TULP4: variants seen among roughly 807,000 people sequenced by gnomAD.
The protein encoded by TULP4 is tubby-related protein 4.
TULP4 carries 16 observed loss-of-function variants against 129.0 expected under a neutral mutation model. The ratio of observed to expected loss-of-function variants is 0.12; its 90% CI spans 0.08 to 0.19. The LOEUF is 0.19. TULP4 is among the 10% of genes least tolerant of loss of function. The pLI is 1.00. For synonymous variants in TULP4, 998 were observed against 854.0 expected (o/e 1.17, Z -2.94); for missense variants, 1,842 against 2,059.1 (o/e 0.89, Z 2.04).
intron 11 of TULP4, among the ~76,000 whole-genome samples, chr6:158,495,886 T>G (rs1582879916): frequency 6.6e-6 from 1 of 151,086 alleles, no homozygotes; most frequent in African/African-American, 2.4e-5. Flanking sequence ...CAATTCTTGG[T>G]GGTAAATTTT....
chr6:158,441,376 C>G (rs1334731767), intron 3 of TULP4, among the ~76,000 whole-genome samples: 1 of 152,170 alleles, frequency 6.6e-6, no homozygotes, highest in Non-Finnish European at 1.5e-5. Flanking sequence ...TGGCTCTTGT[C>G]ACATATACCT....
intron 1 of TULP4, among the ~76,000 whole-genome samples, chr6:158,297,695 C>A (rs1368781266): frequency 1.3e-5 from 2 of 152,152 alleles, no homozygotes; most frequent in Non-Finnish European, 2.9e-5. Context: ...GTTCGGGGTG[C>A]CTGACTTCCC....
Position 158,312,915 on chromosome 6 carries a change from G to A in TULP4, c.-1102G>A, listed in dbSNP as rs1448257855. ...CTCTGGCTTCTGCTTTTGTTTTAAG[G>A]GATTAACTTCCCTGTCAAGTCCAAG... On this transcript the variant is annotated 5_prime_UTR_variant, in exon 1 of 14. Transcript: ENST00000367097. The A allele has an allele frequency of 1.3e-5, 2 of 152,164 alleles. No individual in the cohort carries two copies. The highest frequency in any genetic ancestry group is 6.5e-5 in the Admixed American group (1 of 15,282). The allele number at this position is 152,164 out of a possible 1,614,324, so 9.4% of individuals were successfully genotyped here.
chr6:158,338,320 C>T (rs1003774557), intron 1 of TULP4, among the ~76,000 whole-genome samples: 6 of 151,994 alleles, frequency 3.9e-5, no homozygotes, highest in Non-Finnish European at 8.8e-5. Context: ...CCCACCCAGC[C>T]CAAATTATAC....
intron 12 of TULP4, 76 bp downstream of exon 12, chr6:158,498,888 T>G: frequency 6.4e-7 from 1 of 1,557,448 alleles, no homozygotes; most frequent in Non-Finnish European, 8.8e-7. Context: ...GAGCGGCAAG[T>G]TGTTGAGGAT....
Position 158,403,345 on chromosome 6 carries a change from CTT to C in TULP4, c.253-9716_253-9715del, listed in dbSNP as rs557213124. Among the ~76,000 whole-genome samples the C allele has an allele frequency of 1.8e-3, 267 of 152,184 alleles. 2 individuals are homozygous for C. The highest frequency in any genetic ancestry group is 6.0e-3 in the African/African-American group (249 of 41,536). Reference sequence around the variant, plus strand: ...TCTACAGTGAGTGTCTCCAGGGACACTTTTTCTTTTTGAGACGGAGTTTCGCT... The same window carrying C: ...TCTACAGTGAGTGTCTCCAGGGACACTTTCTTTTTGAGACGGAGTTTCGCT... On this transcript the variant is annotated intron_variant, in intron 1 of 13. Transcript: ENST00000367097.
chr6:158,369,136 T>G (rs1249110078), intron 1 of TULP4, among the ~76,000 whole-genome samples: 2 of 152,202 alleles, frequency 1.3e-5, no homozygotes, highest in Non-Finnish European at 2.9e-5. Context: ...TTATGCAGCT[T>G]TTATTTTGTT....
chr6:158,488,760 T>C (rs923458528), intron 8 of TULP4, among the ~76,000 whole-genome samples: 9 of 140,558 alleles, frequency 6.4e-5, no homozygotes, highest in Non-Finnish European at 1.4e-4. Flanking sequence ...TCTGGAAGAA[T>C]GGGGTCCTCA....
At chr6:158,483,909 C>A (rs1345555024) in intron 8 of TULP4, among the ~76,000 whole-genome samples, 1 of 150,214 alleles carries the variant, frequency 6.7e-6, no homozygotes, top group Non-Finnish European at 1.5e-5. Flanking sequence ...TACCAGATAC[C>A]ATGAGTCCCA....
At chr6:158,329,020 G>A (rs1357373663) in intron 1 of TULP4, among the ~76,000 whole-genome samples, 1 of 152,178 alleles carries the variant, frequency 6.6e-6, no homozygotes, top group East Asian at 1.9e-4. Context: ...GGAAAAACGT[G>A]AGAATTTGTA....
intron 1 of TULP4, among the ~76,000 whole-genome samples, chr6:158,381,362 A>G (rs1397878666): frequency 3.3e-5 from 5 of 152,314 alleles, no homozygotes; most frequent in South Asian, 2.1e-4. Flanking sequence ...GGGCTGGGGC[A>G]TCACCCTGTA....
intron 1 of TULP4, among the ~76,000 whole-genome samples, chr6:158,240,232 T>A (rs1583665864): frequency 1.6e-5 from 1 of 63,148 alleles, no homozygotes; most frequent in Non-Finnish European, 3.3e-5. Flanking sequence ...CCCCCCCACC[T>A]CCCTCCCGGA....
chr6:158,494,927 T>C, intron 11 of TULP4, 81 bp downstream of exon 11: 1 of 1,176,154 alleles, frequency 8.5e-7, no homozygotes, highest in Non-Finnish European at 1.2e-6. Context: ...TGGCTTAAAC[T>C]AGGAGATGAA....
intron 12 of TULP4, among the ~76,000 whole-genome samples, chr6:158,500,397 G>A (rs1421716199): frequency 6.6e-6 from 1 of 152,190 alleles, no homozygotes; most frequent in Admixed American, 6.5e-5. Flanking sequence ...CCCAAGGAAG[G>A]GCCAGCTTAG....
chr6:158,434,492 T>TTTGCAG (rs570470543), intron 3 of TULP4, among the ~76,000 whole-genome samples: 204 of 152,266 alleles, frequency 1.3e-3, no homozygotes, highest in African/African-American at 4.6e-3. Flanking sequence ...CAGTGAAGCT[T>TTTGCAG]TTGCAGTTCT....
rs1255350529 is a variant in TULP4 at position 158,502,309 on chromosome 6, C to A, written c.2646C>A (p.Pro882=). 1 of 1,613,588 alleles carries A rather than the reference C, an allele frequency of 6.2e-7. No individual in the cohort carries two copies. The stretch of plus-strand genomic sequence containing the variant: ...CCACGTCAGTGCACTACCAGACCCC[C>A]CTGGGCTATGAGAGGATCACCACCT... ...LYPTSVHYQT[P]LGYERITTFD... Residue 882 remains proline (P), a synonymous_variant, in exon 13 of 14, where the codon CCC becomes CCA. Coordinates refer to ENST00000367097, the MANE Select transcript of TULP4 (RefSeq NM_020245.5).
intron 6 of TULP4, among the ~76,000 whole-genome samples, chr6:158,476,149 T>C (rs539315301): frequency 6.6e-6 from 1 of 152,352 alleles, no homozygotes; most frequent in East Asian, 1.9e-4. Context: ...AGCGTTTATT[T>C]TGCTGCTTTA....
intron 3 of TULP4, among the ~76,000 whole-genome samples, chr6:158,446,976 G>A (rs1355112476): frequency 3.9e-5 from 6 of 152,090 alleles, no homozygotes; most frequent in South Asian, 2.1e-4. Context: ...TTGGGGAGGC[G>A]GGGAGCTCAT....
chr6:158,364,933 C>T lies in TULP4; in HGVS notation c.253-48132C>T, dbSNP rs375293155. Reference sequence around the variant, plus strand: ...TGTATTTTTAGTAGAGATGGGGTTTCACCATGTTAGTCAGGATGGTCTCGA... The same window carrying T: ...TGTATTTTTAGTAGAGATGGGGTTTTACCATGTTAGTCAGGATGGTCTCGA... On this transcript the variant is annotated intron_variant, in intron 1 of 13. Transcript: ENST00000367097. Among the ~76,000 whole-genome samples the T allele has an allele frequency of 2.6e-5, 4 of 152,114 alleles. 1 individual carries two copies. In the South Asian group the frequency reaches 8.4e-4, roughly 32 times the overall value.
Sources: gnomAD v4.1 joint callset for allele counts (sites outside exome capture counted in the v4.1 genomes callset) on GRCh38, gnomAD v4.1.1 for gene constraint, MANE v1.5 for transcripts, NCBI Gene and HGNC (gene_info 2026-07-23, HGNC 2026-07-21) for gene names.